Variants in RND2 observed in about 807,000 individuals in gnomAD.
RND2 encodes Rho family GTPase 2.
RND2 carries 16 observed loss-of-function variants against 25.9 expected under a neutral mutation model. The ratio of observed to expected loss-of-function variants is 0.62; its 90% CI spans 0.42 to 0.94. The LOEUF is 0.94. Among genes scored for constraint, RND2 ranks in the 40% least tolerant of loss-of-function variants. RND2 has a pLI of 0.00. For missense variants in RND2, 276 were observed against 305.5 expected (o/e 0.90, Z 0.72); for synonymous variants, 97 against 118.1 (o/e 0.82, Z 1.16).
At chr17:43,027,986 C>G in intron 3 of RND2, 75 bp from the exon 4 acceptor site, 1 of 1,521,272 alleles carries the variant, frequency 6.6e-7, no homozygotes, top group South Asian at 1.2e-5. Context: ...AGAGGGCACA[C>G]TGCTGGCATG....
rs747708746 is a variant in RND2 at position 43,025,330 on chromosome 17, C to T, written c.-18C>T. ...CCGGGAGAGGGGTGGCGTGGGGGACCGGCGCGTAGCCGGGACCATGGAGGG... is the reference window on the plus strand; with the variant it reads ...CCGGGAGAGGGGTGGCGTGGGGGACTGGCGCGTAGCCGGGACCATGGAGGG... On this transcript the variant is annotated 5_prime_UTR_variant, in exon 1 of 5. Coordinates refer to ENST00000587250, the MANE Select transcript of RND2 (RefSeq NM_005440.5). 166 of 1,523,616 alleles carry T rather than the reference C, an allele frequency of 1.1e-4. No homozygotes were observed. Among genetic ancestry groups the T allele is most frequent in the Non-Finnish European group, 1.4e-4 (156 of 1,135,612 alleles). 94.4% of individuals were successfully genotyped at this position (1,523,616 alleles called of 1,614,324 possible).
chr17:43,027,929 T>A, intron 3 of RND2, 132 bp from the exon 4 acceptor site: 2 of 1,053,544 alleles, frequency 1.9e-6, no homozygotes, highest in Non-Finnish European at 2.7e-6. Context: ...TCCTTCCTCA[T>A]GTGGGAGAGT....
chr17:43,027,073 C>T, intron 2 of RND2, 110 bp from the exon 3 acceptor site: 2 of 660,910 alleles, frequency 3.0e-6, no homozygotes, highest in Non-Finnish European at 2.6e-6. Context: ...TTAATGGTTG[C>T]TCTTTTCCAT....
At position 43,028,888 on chromosome 17, in the gene RND2, G is replaced by A; in HGVS notation, c.*208G>A. On this transcript the variant is annotated 3_prime_UTR_variant, in exon 5 of 5. Transcript: ENST00000587250. ...CTCTTCTCCAGTGGATGTTGAGGGAGCTAACAGGGCTGGCATCTGGGGCAT... is the reference window on the plus strand; with the variant it reads ...CTCTTCTCCAGTGGATGTTGAGGGAACTAACAGGGCTGGCATCTGGGGCAT... 1 of 722,358 alleles carries A rather than the reference G, an allele frequency of 1.4e-6. No homozygotes were observed. Among genetic ancestry groups the A allele is most frequent in the Non-Finnish European group, 2.2e-6 (1 of 457,022 alleles). 44.7% of individuals were successfully genotyped at this position (722,358 alleles called of 1,614,324 possible).
Position 43,031,990 on chromosome 17 carries a change from C to T in RND2, c.*3310C>T, listed in dbSNP as rs2050675463. The T allele has an allele frequency of 6.9e-6, 1 of 145,292 alleles. No homozygotes were observed. The highest frequency in any genetic ancestry group is 1.5e-5 in the Non-Finnish European group (1 of 66,584). The allele number at this position is 145,292 out of a possible 1,614,324, so 9.0% of individuals were successfully genotyped here. On this transcript the variant is annotated 3_prime_UTR_variant, in exon 5 of 5. Transcript: ENST00000587250. ...ACAAATTAGACATTGGTTTGGGAAA[C>T]AATGTAGCCTCGTTAAACATTTAAT...
In RND2 at chr17:43,026,008, G is replaced by C. The variant is rs1303613613; in HGVS notation, c.151G>C (p.Asp51His). The change falls in exon 2 of 5, where the codon GAC becomes CAC. Residue 51 changes from aspartate (D) to histidine (H), a missense_variant. Physicochemically the swap from Asp to His is moderately conservative, Grantham distance 81. Transcript: ENST00000587250. ...GAACTACACTGCGAGCTTTGAGATC[G>C]ACAAGCGCCGCATTGAGCTCAACAT... ...FENYTASFEI[D>H]KRRIELNMWD... 3 of 1,612,864 alleles carry C rather than the reference G, an allele frequency of 1.9e-6. No individual in the cohort carries two copies. Among genetic ancestry groups the C allele is most frequent in the East Asian group, 2.2e-5 (1 of 44,838 alleles).
intron 2 of RND2, 52 bp downstream of exon 2, chr17:43,026,099 C>A: frequency 7.4e-7 from 1 of 1,344,362 alleles, no homozygotes; most frequent in Non-Finnish European, 1.1e-6. Flanking sequence ...CCACTCTGTC[C>A]CCTCCCTTGG....
rs1168112295 is a variant in RND2 at position 43,028,592 on chromosome 17, A to G, written c.596A>G (p.Gln199Arg). Residue 199 changes from glutamine to arginine, a missense_variant, in exon 5 of 5, where the codon CAG becomes CGG. Transcript: ENST00000587250. ...CGAACTGACTCACGCCGGGGAATGC[A>G]GCGATCCGCTCAGCTGTCAGGACGG... is the stretch of plus-strand genomic sequence containing the variant. ...LRRTDSRRGM[Q>R]RSAQLSGRPD... The G allele has an allele frequency of 6.2e-7, 1 of 1,614,042 alleles. No homozygotes were observed. Among genetic ancestry groups the G allele is most frequent in the East Asian group, 2.2e-5 (1 of 44,880 alleles).
rs535296435 is a variant in RND2 at position 43,028,486 on chromosome 17, C to T, written c.490C>T (p.Arg164Trp). 34 of 1,614,248 alleles carry T rather than the reference C, an allele frequency of 2.1e-5. No individual in the cohort carries two copies. Among genetic ancestry groups the T allele is most frequent in the South Asian group, 2.1e-4 (19 of 91,086 alleles). The change falls in exon 5 of 5, where the codon CGG (arginine) becomes TGG (tryptophan). Residue 164 changes from arginine (R) to tryptophan (W), a missense_variant. By Grantham distance (101) the Arg-to-Trp change is moderately radical (BLOSUM62 -3). Transcript: ENST00000587250. ...GAVSYVECSS[R>W]SSERSVRDVF... ...TGTGTCCTATGTTGAGTGCTCCTCCCGGTCCTCTGAGCGCAGCGTCAGGGA... is the reference window on the plus strand; with the variant it reads ...TGTGTCCTATGTTGAGTGCTCCTCCTGGTCCTCTGAGCGCAGCGTCAGGGA...
intron 1 of RND2, 117 bp downstream of exon 1, chr17:43,025,566 C>G (rs1438819049): frequency 1.5e-6 from 2 of 1,316,932 alleles, no homozygotes; most frequent in Non-Finnish European, 2.0e-6. Flanking sequence ...GACAGGGGGT[C>G]GGAGGACGCG....
rs201719582 is a variant in RND2, at chr17:43,028,476, G to A, written c.480G>A (p.Glu160=). ...AKQVGAVSYV[E]CSSRSSERSV... ...AGGTGGGGGCTGTGTCCTATGTTGA[G>A]TGCTCCTCCCGGTCCTCTGAGCGCA... Residue 160 remains glutamate (E), a synonymous_variant, in exon 5 of 5, where the codon GAG becomes GAA. Transcript: ENST00000587250. 3.0e-5 allele frequency: 49 copies of A among 1,614,220 alleles called. No homozygotes were observed. In the East Asian group the frequency reaches 6.9e-4, roughly 23 times the overall value.
At chr17:43,026,174 A>C (rs935189347) in intron 2 of RND2, 127 bp downstream of exon 2, 21 of 599,900 alleles carry the variant, frequency 3.5e-5, no homozygotes, top group Admixed American at 8.3e-5. Context: ...GGGAAAAATC[A>C]ATATTCTGCT....
chr17:43,026,038 G>C lies in RND2; in HGVS notation c.181G>C (p.Asp61His), dbSNP rs1597788068. The change falls in exon 2 of 5, where the codon GAC becomes CAC. Residue 61 changes from aspartate (D) to histidine (H), a missense_variant. Coordinates refer to ENST00000587250, the MANE Select transcript of RND2 (RefSeq NM_005440.5). ...DKRRIELNMW[D>H]TSGSSYYDNV... Reference sequence around the variant, plus strand: ...GCGCCGCATTGAGCTCAACATGTGGGACACTTCAGGTAGCCAAGTCCCTGG... The same window carrying C: ...GCGCCGCATTGAGCTCAACATGTGGCACACTTCAGGTAGCCAAGTCCCTGG... 6.2e-7 allele frequency: 1 copy of C among 1,608,502 alleles called. No individual in the cohort carries two copies. The highest frequency in any genetic ancestry group is 1.1e-5 in the South Asian group (1 of 90,986).
rs2050641368 is a variant in RND2 at position 43,028,372 on chromosome 17, CCT to C, written c.436-59_436-58del. The C allele has an allele frequency of 2.3e-5, 37 of 1,597,716 alleles. No homozygotes were observed. In the South Asian group the frequency reaches 3.9e-4, roughly 17 times the overall value. ...AACCCCAGCCCACAGCCTCCATGCCCCTTTCTAAGCTGCAGGCTAAGACCTAT... is the reference window on the plus strand; with the variant it reads ...AACCCCAGCCCACAGCCTCCATGCCCTTCTAAGCTGCAGGCTAAGACCTAT... On this transcript the variant is annotated intron_variant, in intron 4 of 4. Transcript: ENST00000587250.
rs1227241673 is a variant in RND2 at position 43,028,568 on chromosome 17, G to A, written c.572G>A (p.Arg191Gln). 37 of 1,614,024 alleles carry A rather than the reference G, an allele frequency of 2.3e-5. No homozygotes were observed. Among genetic ancestry groups the A allele is most frequent in the Admixed American group, 8.3e-5 (5 of 59,992 alleles). Reference sequence around the variant, plus strand: ...GGCCGTGGCCATAGGCAGCTGCGCCGAACTGACTCACGCCGGGGAATGCAG... The same window carrying A: ...GGCCGTGGCCATAGGCAGCTGCGCCAAACTGACTCACGCCGGGGAATGCAG... Reference protein sequence around the residue: ...SLGRGHRQLRRTDSRRGMQRS... With the variant: ...SLGRGHRQLRQTDSRRGMQRS... The change falls in exon 5 of 5, where the codon CGA becomes CAA. Residue 191 changes from arginine (R) to glutamine (Q), a missense_variant. Coordinates refer to ENST00000587250, the MANE Select transcript of RND2 (RefSeq NM_005440.5).
rs1384981314 is a variant in RND2 at position 43,025,285 on chromosome 17, G to T, written c.-63G>T. 2 of 1,409,076 alleles carry T rather than the reference G, an allele frequency of 1.4e-6. No individual in the cohort carries two copies. Among genetic ancestry groups the T allele is most frequent in the Non-Finnish European group, 1.9e-6 (2 of 1,065,612 alleles). 87.3% of individuals were successfully genotyped at this position (1,409,076 alleles called of 1,614,324 possible). Reference sequence around the variant, plus strand: ...CCCGAGCGGCTGCAGTTGCAGGGGCGGGGGAGGCGGCGGCGGGGCCCGGGA... The same window carrying T: ...CCCGAGCGGCTGCAGTTGCAGGGGCTGGGGAGGCGGCGGCGGGGCCCGGGA... On this transcript the variant is annotated 5_prime_UTR_variant, in exon 1 of 5. Coordinates refer to ENST00000587250, the MANE Select transcript of RND2 (RefSeq NM_005440.5).
chr17:43,028,237 T>C (rs2050640313), intron 4 of RND2, 42 bp downstream of exon 4: 1 of 1,611,960 alleles, frequency 6.2e-7, no homozygotes, highest in East Asian at 2.2e-5. Flanking sequence ...CCTAGACCTG[T>C]CACCTCTGCC....
chr17:43,031,020 C>T lies in RND2; in HGVS notation c.*2340C>T, dbSNP rs1469558175. 1 of 152,172 alleles carries T rather than the reference C, an allele frequency of 6.6e-6. No individual in the cohort carries two copies. Among genetic ancestry groups the T allele is most frequent in the African/African-American group, 2.4e-5 (1 of 41,396 alleles). The allele number at this position is 152,172 out of a possible 1,614,324, so 9.4% of individuals were successfully genotyped here. ...CAGCCAAGATTCCTCCTTTGGGAGG[C>T]CAAGCTGGGAGGATCGCTTGAGGCC... On this transcript the variant is annotated 3_prime_UTR_variant, in exon 5 of 5. Coordinates refer to ENST00000587250, the MANE Select transcript of RND2 (RefSeq NM_005440.5).
rs2151975214 is a variant in RND2 at position 43,029,424 on chromosome 17, T to A, written c.*744T>A. ...GGAGAAGGAGACATCCTGGGACTGT[T>A]CATCCTAGTTAATGAAGTGGGCAAT... On this transcript the variant is annotated 3_prime_UTR_variant, in exon 5 of 5. Coordinates refer to ENST00000587250, the MANE Select transcript of RND2 (RefSeq NM_005440.5). The A allele has an allele frequency of 6.5e-6, 1 of 152,732 alleles. No individual in the cohort carries two copies. The allele number at this position is 152,732 out of a possible 1,614,324, so 9.5% of individuals were successfully genotyped here.
Sources: allele counts gnomAD v4.1 joint callset, GRCh38; gene constraint gnomAD v4.1.1; transcripts MANE v1.5; gene names NCBI Gene and HGNC (gene_info 2026-07-23, HGNC 2026-07-21).